Variants in IPPK observed in about 807,000 individuals in gnomAD.
IPPK encodes the protein IPK1 homolog.
A neutral mutation model predicts 64.6 loss-of-function variants in IPPK; 22 were observed. That is an observed-to-expected ratio of 0.34 (90% CI 0.24 to 0.49). The LOEUF (loss-of-function observed/expected upper bound fraction) is 0.49. Among genes scored for constraint, IPPK ranks in the 20% least tolerant of loss-of-function variants. The pLI is 0.99. For synonymous variants in IPPK, 262 were observed against 247.2 expected, an observed-to-expected ratio of 1.06 and a Z score of -0.56; for missense variants, 532 against 630.7, an observed-to-expected ratio of 0.84 and a Z score of 1.68.
At chr9:92,633,133 C>T (rs1851875815) in intron 11 of IPPK, among the ~76,000 whole-genome samples, 1 of 152,038 alleles carries the variant, frequency 6.6e-6, no homozygotes, top group Non-Finnish European at 1.5e-5. Context: ...ACCTCAGCCT[C>T]CCAAGTAGTT....
At chr9:92,669,182 C>G (rs575963804) in intron 1 of IPPK, among the ~76,000 whole-genome samples, 7 of 152,124 alleles carry the variant, frequency 4.6e-5, no homozygotes, top group Admixed American at 1.3e-4. Flanking sequence ...CCCCCTCCCC[C>G]GTTCCAGCCG....
chr9:92,637,015 A>C (rs961108163), intron 9 of IPPK, among the ~76,000 whole-genome samples: 16 of 151,946 alleles, frequency 1.1e-4, no homozygotes, highest in South Asian at 2.1e-4. Context: ...GAAAAAAAAA[A>C]CCCCCACAAA....
intron 2 of IPPK, among the ~76,000 whole-genome samples, chr9:92,657,833 A>C (rs1587643302): frequency 1.2e-4 from 17 of 137,802 alleles, no homozygotes; most frequent in African/African-American, 2.5e-4. Flanking sequence ...ACCCACCACC[A>C]CCCCCCGGCC....
chr9:92,626,596 A>C (rs1851738055), intron 11 of IPPK, among the ~76,000 whole-genome samples: 1 of 152,224 alleles, frequency 6.6e-6, no homozygotes, highest in Non-Finnish European at 1.5e-5. Context: ...GGTTTGACAT[A>C]GGTCAAATTA....
At chr9:92,666,837 A>G (rs1304421013) in intron 1 of IPPK, among the ~76,000 whole-genome samples, 2 of 151,498 alleles carry the variant, frequency 1.3e-5, no homozygotes, top group Non-Finnish European at 2.9e-5. Context: ...CCCTGGGCAC[A>G]ACCTCCCACC....
At chr9:92,650,586 C>T (rs1039642617) in intron 4 of IPPK, among the ~76,000 whole-genome samples, 1 of 152,192 alleles carries the variant, frequency 6.6e-6, no homozygotes, top group African/African-American at 2.4e-5. Flanking sequence ...AAGCTCATGC[C>T]AGGTCTCTCC....
At chr9:92,640,419 A>C (rs1245672603) in intron 8 of IPPK, among the ~76,000 whole-genome samples, 1 of 152,040 alleles carries the variant, frequency 6.6e-6, no homozygotes, top group East Asian at 1.9e-4. Flanking sequence ...GGGGAGACCA[A>C]GGCCCACCCA....
intron 1 of IPPK, among the ~76,000 whole-genome samples, chr9:92,659,598 C>CA (rs904410077): frequency 6.6e-6 from 1 of 152,084 alleles, no homozygotes; most frequent in African/African-American, 2.4e-5. Context: ...AACGGCAGTG[C>CA]AAAGGTGGGG....
rs560239069 is a variant in IPPK at position 92,637,306 on chromosome 9, G to GA, written c.916+694dup. Among the ~76,000 whole-genome samples the GA allele has an allele frequency of 5.3e-5, 8 of 152,260 alleles. No individual in the cohort carries two copies. The South Asian group carries it at 6.2e-4, about 12-fold the overall frequency. ...GGGTAAGAGAGTAAGATCCTGTCTT[G>GA]AAAAAACAAAAGAAAAAATTGGCAC... On this transcript the variant is annotated intron_variant, in intron 9 of 12. Coordinates refer to ENST00000287996, the MANE Select transcript of IPPK (RefSeq NM_022755.6).
chr9:92,629,558 C>T (rs1464422844), intron 11 of IPPK, among the ~76,000 whole-genome samples: 1 of 151,940 alleles, frequency 6.6e-6, no homozygotes, highest in African/African-American at 2.4e-5. Context: ...TCAAGACCAG[C>T]CTGGGCAACA....
chr9:92,655,130 T>C (rs1276383202), intron 3 of IPPK, among the ~76,000 whole-genome samples: 1 of 152,216 alleles, frequency 6.6e-6, no homozygotes. Flanking sequence ...TGGCTGTCCC[T>C]GGCTCTGTCT....
At chr9:92,648,729 A>T (rs1852197403) in intron 5 of IPPK, among the ~76,000 whole-genome samples, 1 of 152,204 alleles carries the variant, frequency 6.6e-6, no homozygotes, top group Admixed American at 6.5e-5. Context: ...TCAGGCCAGG[A>T]GTGTGACCCA....
chr9:92,632,079 T>C (rs1851856022), intron 11 of IPPK, among the ~76,000 whole-genome samples: 1 of 152,248 alleles, frequency 6.6e-6, no homozygotes, highest in African/African-American at 2.4e-5. Context: ...AGCAGAGTTC[T>C]GTGGTATGAA....
chr9:92,662,297 G>A (rs562718473), intron 1 of IPPK, among the ~76,000 whole-genome samples: 3 of 152,172 alleles, frequency 2.0e-5, no homozygotes, highest in African/African-American at 4.8e-5. Flanking sequence ...AGGCCCAGGC[G>A]CGCAGATCAG....
chr9:92,666,182 G>T (rs1433770477), intron 1 of IPPK, among the ~76,000 whole-genome samples: 4 of 152,154 alleles, frequency 2.6e-5, no homozygotes, highest in Non-Finnish European at 5.9e-5. Context: ...CATGACAGGA[G>T]TGGGCCACCT....
At chr9:92,661,335 A>T (rs542978111) in intron 1 of IPPK, among the ~76,000 whole-genome samples, 1 of 152,304 alleles carries the variant, frequency 6.6e-6, no homozygotes, top group African/African-American at 2.4e-5. Flanking sequence ...AGTTTAGAGG[A>T]GGGCCTGGAC....
chr9:92,663,182 G>A (rs1384682980), intron 1 of IPPK, among the ~76,000 whole-genome samples: 2 of 152,158 alleles, frequency 1.3e-5, no homozygotes, highest in African/African-American at 4.8e-5. Context: ...ACAACACTTG[G>A]GTCAGTGATG....
intron 11 of IPPK, among the ~76,000 whole-genome samples, chr9:92,623,496 C>T (rs1430842440): frequency 1.3e-5 from 2 of 151,288 alleles, no homozygotes; most frequent in South Asian, 4.2e-4. Context: ...AAGATACCTA[C>T]TGGACACAAA....
At chr9:92,630,423 T>A (rs970694355) in intron 11 of IPPK, among the ~76,000 whole-genome samples, 1 of 152,230 alleles carries the variant, frequency 6.6e-6, no homozygotes, top group African/African-American at 2.4e-5. Context: ...ACAGGGTTTT[T>A]ACTGAAGTGA....
Sources: gnomAD v4.1 joint callset for allele counts (sites outside exome capture counted in the v4.1 genomes callset) on GRCh38, gnomAD v4.1.1 for gene constraint, MANE v1.5 for transcripts, NCBI Gene and HGNC (gene_info 2026-07-23, HGNC 2026-07-21) for gene names.